Variants in GABRG3 observed in about 807,000 individuals in gnomAD.
GABRG3 encodes the protein gamma-aminobutyric acid type A receptor subunit gamma3, also known as gamma-aminobutyric acid receptor subunit gamma-3.
GABRG3 carries 25 observed loss-of-function variants against 48.8 expected under a neutral mutation model. The ratio of observed to expected loss-of-function variants is 0.51; its 90% confidence interval spans 0.37 to 0.72. GABRG3 has a LOEUF of 0.72. Ranked by LOEUF, GABRG3 falls within the 30% of genes least tolerant of loss-of-function variation. The pLI, the probability that GABRG3 is intolerant of heterozygous loss-of-function variation, is 0.00. For synonymous variants in GABRG3, 227 were observed against 217.6 expected (o/e 1.04, Z -0.38); for missense variants, 394 against 577.9 (o/e 0.68, Z 3.26).
In GABRG3 at chr15:27,371,653, T is replaced by C. The variant is rs141863557; in HGVS notation, c.574+42765T>C. On this transcript the variant is annotated intron_variant, in intron 5 of 9. Transcript: ENST00000615808. Reference sequence around the variant, plus strand: ...GTAAAGGCAACTCGTTTCTATGGATTCTGACTTTTCTTGTTTGCATCCAAG... The same window carrying C: ...GTAAAGGCAACTCGTTTCTATGGATCCTGACTTTTCTTGTTTGCATCCAAG... Among the ~76,000 whole-genome samples, 994 of 152,318 alleles carry C rather than the reference T, an allele frequency of 6.5e-3. 11 individuals are homozygous for C. The highest frequency in any genetic ancestry group is 0.023 in the African/African-American group (939 of 41,568).
At chr15:27,186,754 C>T (rs762049336) in intron 3 of GABRG3, among the ~76,000 whole-genome samples, 22 of 152,128 alleles carry the variant, frequency 1.4e-4, no homozygotes, top group Non-Finnish European at 2.8e-4. Context: ...TCTTTGATTA[C>T]AAGTGATGTT....
intron 3 of GABRG3, among the ~76,000 whole-genome samples, chr15:27,188,738 C>A (rs908909234): frequency 9.2e-5 from 14 of 152,142 alleles, no homozygotes; most frequent in Non-Finnish European, 2.1e-4. Context: ...TTCATTAGAT[C>A]CCATTTGTCA....
intron 5 of GABRG3, chr15:27,419,152 C>T (rs1169416395): frequency 6.6e-6 from 1 of 152,226 alleles, no homozygotes; most frequent in Non-Finnish European, 1.5e-5. Context: ...CATTTAATCA[C>T]AGTCTGATTT....
At chr15:27,481,366 TTGTCTTA>T (rs1890097725) in intron 6 of GABRG3, 1 of 673,372 alleles carries the variant, frequency 1.5e-6, no homozygotes, top group South Asian at 6.8e-5. Flanking sequence ...GTTTTGCTTT[TTGTCTTA>T]TGTCTTATGT....
intron 6 of GABRG3, among the ~76,000 whole-genome samples, chr15:27,509,046 G>T (rs1334323072): frequency 6.6e-6 from 1 of 152,086 alleles, no homozygotes; most frequent in Admixed American, 6.5e-5. Flanking sequence ...GTTTTTCTGA[G>T]AAACTGTTTA....
intron 3 of GABRG3, among the ~76,000 whole-genome samples, chr15:27,029,122 C>T (rs557402282): frequency 1.6e-4 from 25 of 152,268 alleles, no homozygotes; most frequent in African/African-American, 5.8e-4. Flanking sequence ...AAAACTTGCC[C>T]TGAATATTTT....
rs147172325 is a variant in GABRG3, at chr15:27,513,510, G to A, written c.713-6462G>A. The stretch of plus-strand genomic sequence containing the variant: ...AAGTAGCTGTTACAGAATCTAACCT[G>A]CTGATAATATTGTCAGGAATATGAA... On this transcript the variant is annotated intron_variant, in intron 6 of 9. Coordinates refer to ENST00000615808, the MANE Select transcript of GABRG3 (RefSeq NM_033223.5). 5.3e-5 allele frequency among the ~76,000 whole-genome samples: 8 copies of A among 152,146 alleles called. No individual in the cohort carries two copies. The East Asian group carries it at 1.5e-3, about 29-fold the overall frequency.
intron 5 of GABRG3, among the ~76,000 whole-genome samples, chr15:27,343,046 T>TTGGAGTAA (rs1362878925): frequency 2.0e-5 from 3 of 152,212 alleles, no homozygotes; most frequent in Non-Finnish European, 2.9e-5. Flanking sequence ...TCCAAGACCC[T>TTGGAGTAA]ACCTGTCTAC....
intron 5 of GABRG3, among the ~76,000 whole-genome samples, chr15:27,402,064 G>A (rs1208840938): frequency 6.6e-6 from 1 of 152,138 alleles, no homozygotes; most frequent in Non-Finnish European, 1.5e-5. Flanking sequence ...TACAGAAAAA[G>A]GGCAATGCTT....
chr15:27,480,500 T>G lies in GABRG3; in HGVS notation c.575-150T>G. Reference sequence around the variant, plus strand: ...GCATTTAGCCATTCATTTTTCAAGTTTCTGTGTCTTGGAGGAAAATTGAGA... The same window carrying G: ...GCATTTAGCCATTCATTTTTCAAGTGTCTGTGTCTTGGAGGAAAATTGAGA... On this transcript the variant is annotated intron_variant, in intron 5 of 9. Coordinates refer to ENST00000615808, the MANE Select transcript of GABRG3 (RefSeq NM_033223.5). The G allele has an allele frequency of 4.2e-6, 3 of 715,664 alleles. No homozygotes were observed. The South Asian group carries it at 6.1e-5, about 15-fold the overall frequency. The allele number at this position is 715,664 out of a possible 1,614,324, so 44.3% of individuals were successfully genotyped here.
intron 3 of GABRG3, among the ~76,000 whole-genome samples, chr15:27,155,635 G>A (rs527456038): frequency 1.6e-4 from 24 of 152,228 alleles, no homozygotes; most frequent in African/African-American, 4.8e-4. Context: ...TCCAGTTTCC[G>A]TCCTTGGGTT....
intron 3 of GABRG3, among the ~76,000 whole-genome samples, chr15:27,217,449 G>A (rs72702051): frequency 0.048 from 7,229 of 152,172 alleles, 223 homozygotes; most frequent in South Asian, 0.075. Context: ...TGAGACACTG[G>A]CCCCACTGCC....
chr15:27,123,977 C>T (rs4887558), intron 3 of GABRG3, among the ~76,000 whole-genome samples: 20,959 of 152,148 alleles, frequency 0.14, 1,681 homozygotes, highest in East Asian at 0.27. Context: ...GCGGCCGGAG[C>T]CTTCCCTGCT....
At chr15:27,318,881 C>G (rs1188908471) in intron 3 of GABRG3, among the ~76,000 whole-genome samples, 1 of 152,114 alleles carries the variant, frequency 6.6e-6, no homozygotes, top group African/African-American at 2.4e-5. Context: ...GCGTGGTTAC[C>G]AGGACCTGGG....
At chr15:27,370,077 TA>T (rs922436038) in intron 5 of GABRG3, among the ~76,000 whole-genome samples, 1 of 152,188 alleles carries the variant, frequency 6.6e-6, no homozygotes, top group Non-Finnish European at 1.5e-5. Flanking sequence ...AGCCATTCTT[TA>T]AAATATGCCT....
At chr15:27,166,802 G>A (rs896920179) in intron 3 of GABRG3, among the ~76,000 whole-genome samples, 2 of 152,134 alleles carry the variant, frequency 1.3e-5, no homozygotes, top group African/African-American at 4.8e-5. Flanking sequence ...ATACTGCAGG[G>A]TGCATGTCTC....
intron 3 of GABRG3, among the ~76,000 whole-genome samples, chr15:27,129,162 A>G (rs1897872626): frequency 6.6e-6 from 1 of 152,112 alleles, no homozygotes; most frequent in African/African-American, 2.4e-5. Context: ...AGCCAAAGAA[A>G]TTTTCATCTT....
chr15:27,349,961 C>CAAAA (rs374395293), intron 5 of GABRG3, among the ~76,000 whole-genome samples: 8 of 146,798 alleles, frequency 5.4e-5, no homozygotes, highest in Admixed American at 2.7e-4. Context: ...GTGACAATAA[C>CAAAA]AAAAAAAAAC....
intron 3 of GABRG3, among the ~76,000 whole-genome samples, chr15:27,201,645 G>C (rs911442563): frequency 3.3e-5 from 5 of 152,062 alleles, no homozygotes; most frequent in Non-Finnish European, 5.9e-5. Flanking sequence ...GGGTGTGTAG[G>C]AGCTGACTTC....
Sources: allele counts gnomAD v4.1 joint callset (sites outside exome capture counted in the v4.1 genomes callset), GRCh38; gene constraint gnomAD v4.1.1; transcripts MANE v1.5; gene names NCBI Gene and HGNC (gene_info 2026-07-23, HGNC 2026-07-21).